TIMM50: variants seen among roughly 807,000 people sequenced by gnomAD.
TIMM50 encodes translocase of inner mitochondrial membrane 50.
A neutral mutation model predicts 49.6 loss-of-function variants in TIMM50; 34 were observed. The ratio of observed to expected loss-of-function variants is 0.69; its 90% CI spans 0.52 to 0.91. TIMM50 has a LOEUF of 0.91. Among genes scored for constraint, TIMM50 ranks in the 40% least tolerant of loss-of-function variants. TIMM50 has a pLI of 0.00. For missense variants in TIMM50, 458 were observed against 477.8 expected (o/e 0.96, Z 0.39); for synonymous variants, 199 against 198.4 (o/e 1.00, Z -0.03).
intron 8 of TIMM50, among the ~76,000 whole-genome samples, chr19:39,487,535 G>T (rs1465923660): frequency 1.3e-5 from 2 of 152,046 alleles, no homozygotes; most frequent in Non-Finnish European, 2.9e-5. Context: ...TTGGTTCACT[G>T]CAACCTCCCC....
chr19:39,486,603 C>A, intron 8 of TIMM50, 108 bp downstream of exon 8: 2 of 1,007,974 alleles, frequency 2.0e-6, no homozygotes, highest in South Asian at 1.4e-5. Flanking sequence ...TGGTTCTGCC[C>A]AGATTCGATT....
Position 39,493,740 on chromosome 19 carries a change from C to G in TIMM50, c.*3920C>G, listed in dbSNP as rs1310673967. ...CTTCGCTGACTCTTTTCGGACTCAG[C>G]CCACCTGCACCCAGGTGAAATAAAC... On this transcript the variant is annotated 3_prime_UTR_variant, in exon 11 of 11. Transcript: ENST00000607714. 2 of 152,222 alleles carry G rather than the reference C, an allele frequency of 1.3e-5. No homozygotes were observed. Among genetic ancestry groups the G allele is most frequent in the Admixed American group, 1.3e-4 (2 of 15,286 alleles). 9.4% of individuals were successfully genotyped at this position (152,222 alleles called of 1,614,324 possible).
Position 39,480,953 on chromosome 19 carries a change from C to G in TIMM50, c.100C>G (p.Pro34Ala). The change falls in exon 1 of 11, where the codon CCA becomes GCA. Residue 34 changes from proline to alanine, a missense_variant. Coordinates refer to ENST00000607714, the MANE Select transcript of TIMM50 (RefSeq NM_001001563.5). ...GTTGGCGACGCCGCCCCGCCGGGCC[C>G]CAGATCAGGTGAGCGGAACGAGGGT... ...TRLATPPRRA[P>A]DQAAEIGSRG... The G allele has an allele frequency of 6.3e-7, 1 of 1,583,794 alleles. No individual in the cohort carries two copies. Among genetic ancestry groups the G allele is most frequent in the Non-Finnish European group, 8.5e-7 (1 of 1,173,520 alleles).
chr19:39,480,959 C>A lies in TIMM50; in HGVS notation c.106C>A (p.Gln36Lys). 6.3e-7 allele frequency: 1 copy of A among 1,582,070 alleles called. No homozygotes were observed. The highest frequency in any genetic ancestry group is 8.5e-7 in the Non-Finnish European group (1 of 1,172,920). Residue 36 changes from glutamine (Q) to lysine (K), a missense_variant and splice_region_variant, in exon 1 of 11, where the codon CAG (glutamine) becomes AAG (lysine). Gln to Lys is a moderately conservative substitution (Grantham distance 53). Coordinates refer to ENST00000607714, the MANE Select transcript of TIMM50 (RefSeq NM_001001563.5). ...LATPPRRAPD[Q>K]AAEIGSRGST... ...GACGCCGCCCCGCCGGGCCCCAGAT[C>A]AGGTGAGCGGAACGAGGGTGGCCCT...
In TIMM50 at chr19:39,492,633, G is replaced by A. The variant is rs940891369; in HGVS notation, c.*2813G>A. On this transcript the variant is annotated 3_prime_UTR_variant, in exon 11 of 11. Coordinates refer to ENST00000607714, the MANE Select transcript of TIMM50 (RefSeq NM_001001563.5). Reference sequence around the variant, plus strand: ...TATAATCCCAGCACTTTGGGAGACCGAGGCGGGTGGATCACCTGAGGTCAG... The same window carrying A: ...TATAATCCCAGCACTTTGGGAGACCAAGGCGGGTGGATCACCTGAGGTCAG... The A allele has an allele frequency of 6.6e-6, 1 of 151,876 alleles. No homozygotes were observed. The highest frequency in any genetic ancestry group is 1.5e-5 in the Non-Finnish European group (1 of 67,984). The allele number at this position is 151,876 out of a possible 1,614,324, so 9.4% of individuals were successfully genotyped here.
At chr19:39,489,316 T>G (rs1368942669) in intron 10 of TIMM50, among the ~76,000 whole-genome samples, 2 of 151,988 alleles carry the variant, frequency 1.3e-5, no homozygotes, top group Non-Finnish European at 2.9e-5. Flanking sequence ...TCACCAGCAT[T>G]CACCTTGGGG....
At chr19:39,486,957 CTG>C (rs755940398) in intron 8 of TIMM50, among the ~76,000 whole-genome samples, 10 of 152,052 alleles carry the variant, frequency 6.6e-5, no homozygotes, top group Non-Finnish European at 1.5e-4. Context: ...TGGTTTCTGT[CTG>C]TGTCGTGTCG....
chr19:39,484,203 T>C (rs1044202621), intron 4 of TIMM50, among the ~76,000 whole-genome samples: 2 of 152,130 alleles, frequency 1.3e-5, no homozygotes, highest in Non-Finnish European at 2.9e-5. Flanking sequence ...GCACTAAAAA[T>C]ACTGTATTAA....
In TIMM50 at chr19:39,483,202, CTG is replaced by C. The variant is rs748412746; in HGVS notation, c.313+48_313+49del. 12 of 1,612,214 alleles carry C rather than the reference CTG, an allele frequency of 7.4e-6. No homozygotes were observed. The East Asian group carries it at 2.2e-4, about 30-fold the overall frequency. On this transcript the variant is annotated intron_variant, in intron 4 of 10. Transcript: ENST00000607714. Reference sequence around the variant, plus strand: ...TCTGGAGTCCCTGACCCTCTCAACTCTGTCATTTGTAAGGATGTCTCTCTCCC... The same window carrying C: ...TCTGGAGTCCCTGACCCTCTCAACTCTCATTTGTAAGGATGTCTCTCTCCC...
rs962505581 is a variant in TIMM50, at chr19:39,493,616, C to T, written c.*3796C>T. Reference sequence around the variant, plus strand: ...TTCCTTCTCCTGGCTCAGAAGCACCCCCACTGAGCACCTTGCGACCCCCCA... The same window carrying T: ...TTCCTTCTCCTGGCTCAGAAGCACCTCCACTGAGCACCTTGCGACCCCCCA... On this transcript the variant is annotated 3_prime_UTR_variant, in exon 11 of 11. Transcript: ENST00000607714. 2.6e-5 allele frequency: 4 copies of T among 152,122 alleles called. No homozygotes were observed. The highest frequency in any genetic ancestry group is 9.7e-5 in the African/African-American group (4 of 41,402). The allele number at this position is 152,122 out of a possible 1,614,324, so 9.4% of individuals were successfully genotyped here.
intron 8 of TIMM50, among the ~76,000 whole-genome samples, chr19:39,486,709 G>C (rs1363164478): frequency 6.6e-6 from 1 of 152,140 alleles, no homozygotes; most frequent in Admixed American, 6.5e-5. Context: ...GGGGAAATGG[G>C]GTCTCTCTAA....
chr19:39,489,648 A>T, intron 10 of TIMM50, 71 bp from the exon 11 acceptor site: 2 of 1,390,748 alleles, frequency 1.4e-6, no homozygotes, highest in Non-Finnish European at 2.0e-6. Flanking sequence ...AGGCCTGGGG[A>T]CCTGGGCATC....
rs1485524675 is a variant in TIMM50 at position 39,480,898 on chromosome 19, C to G, written c.45C>G (p.Leu15=). 1.3e-6 allele frequency: 2 copies of G among 1,597,396 alleles called. No homozygotes were observed. The highest frequency in any genetic ancestry group is 1.7e-6 in the Non-Finnish European group (2 of 1,176,700). Residue 15 remains leucine (L), a synonymous_variant, in exon 1 of 11, where the codon CTC becomes CTG. Transcript: ENST00000607714. The part of the protein sequence containing the change: ...AAVFSRLRSG[L]RLGSRGLCTR... The stretch of plus-strand genomic sequence containing the variant: ...TGTTCTCGCGCTTGCGAAGCGGGCT[C>G]CGGCTCGGCTCGCGGGGACTGTGCA...
At chr19:39,481,557 C>T (rs146669574) in intron 1 of TIMM50, among the ~76,000 whole-genome samples, 3 of 152,300 alleles carry the variant, frequency 2.0e-5, no homozygotes, top group Non-Finnish European at 4.4e-5. Flanking sequence ...CCCTCCGTTC[C>T]CTCTCATCCC....
At position 39,485,710 on chromosome 19, in the gene TIMM50, C is replaced by G; in HGVS notation, c.395C>G (p.Pro132Arg). Residue 132 changes from proline (P) to arginine (R), a missense_variant, in exon 6 of 11, where the codon CCT becomes CGT. Transcript: ENST00000607714. ...YRQMIIEPTS[P>R]CLLPDPLQEP... Reference sequence around the variant, plus strand: ...CAGATGATCATCGAGCCCACCAGCCCTTGCCTTCTCCCAGACCCTCTGCAG... The same window carrying G: ...CAGATGATCATCGAGCCCACCAGCCGTTGCCTTCTCCCAGACCCTCTGCAG... 3 of 1,614,146 alleles carry G rather than the reference C, an allele frequency of 1.9e-6. No individual in the cohort carries two copies. The highest frequency in any genetic ancestry group is 2.5e-6 in the Non-Finnish European group (3 of 1,180,040).
At chr19:39,485,896 G>T in intron 6 of TIMM50, 89 bp downstream of exon 6, 1 of 1,558,344 alleles carries the variant, frequency 6.4e-7, no homozygotes, top group East Asian at 2.3e-5. Context: ...TGTGCTATGT[G>T]ATCTTGGGGA....
chr19:39,487,738 C>G (rs1006032307), intron 8 of TIMM50, among the ~76,000 whole-genome samples: 1 of 152,246 alleles, frequency 6.6e-6, no homozygotes, highest in Admixed American at 6.5e-5. Context: ...GGAGTACGGT[C>G]GTGAGCCACC....
At chr19:39,484,654 T>C (rs1398132207) in intron 4 of TIMM50, among the ~76,000 whole-genome samples, 1 of 152,230 alleles carries the variant, frequency 6.6e-6, no homozygotes, top group African/African-American at 2.4e-5. Context: ...TTCCTAGTTC[T>C]GAACCACTGT....
In TIMM50 at chr19:39,490,255, C is replaced by T. The variant is rs936644375; in HGVS notation, c.*435C>T. On this transcript the variant is annotated 3_prime_UTR_variant, in exon 11 of 11. Coordinates refer to ENST00000607714, the MANE Select transcript of TIMM50 (RefSeq NM_001001563.5). ...TGGGCCTAGTGGGCCTCTGGTGGAC[C>T]AGAGATTACCCCTCTCAACAGGCCA... 1.3e-5 allele frequency: 2 copies of T among 158,548 alleles called. No individual in the cohort carries two copies. Among genetic ancestry groups the T allele is most frequent in the Admixed American group, 1.3e-4 (2 of 15,866 alleles). 9.8% of individuals were successfully genotyped at this position (158,548 alleles called of 1,614,324 possible). A position where few individuals can be genotyped will look rare whatever the true frequency, so the allele number is the denominator to read the frequency against.
Sources: allele counts gnomAD v4.1 joint callset (sites outside exome capture counted in the v4.1 genomes callset), GRCh38; gene constraint gnomAD v4.1.1; transcripts MANE v1.5; gene names NCBI Gene and HGNC (gene_info 2026-07-23, HGNC 2026-07-21).